NIPBL: variants seen among roughly 807,000 people sequenced by gnomAD.
NIPBL encodes the protein nipped-B-like protein.
A neutral mutation model predicts 321.8 loss-of-function variants in NIPBL; 19 were observed. That is an observed-to-expected ratio of 0.06 (90% CI 0.04 to 0.09). NIPBL has a LOEUF of 0.09. NIPBL is among the 10% of genes least tolerant of loss of function. The pLI is 1.00. For synonymous variants in NIPBL, 1,106 were observed against 1,114.1 expected, an observed-to-expected ratio of 0.99 and a Z score of 0.14; for missense variants, 2,210 against 3,327.0, an observed-to-expected ratio of 0.66 and a Z score of 8.26.
chr5:36,937,978 C>T (rs996650916), intron 1 of NIPBL, among the ~76,000 whole-genome samples: 8 of 152,230 alleles, frequency 5.3e-5, no homozygotes, highest in African/African-American at 1.7e-4. Flanking sequence ...TTGGGTTCAG[C>T]GGGTATAATA....
rs1744564321 is a variant in NIPBL, at chr5:36,984,878, G to A, written c.1698G>A (p.Lys566=). Residue 566 remains lysine, a synonymous_variant, in exon 10 of 47, where the codon AAG becomes AAA. Coordinates refer to ENST00000282516, the MANE Select transcript of NIPBL (RefSeq NM_133433.4). ...SITQDSDSIK[K]PEEIKQCNDA... ...CTCAGGATTCAGACTCCATAAAAAA[G>A]CCTGAAGAAATCAAACAATGTAATG... The A allele has an allele frequency of 6.2e-7, 1 of 1,613,610 alleles. No individual in the cohort carries two copies. Among genetic ancestry groups the A allele is most frequent in the East Asian group, 2.2e-5 (1 of 44,878 alleles).
intron 1 of NIPBL, among the ~76,000 whole-genome samples, chr5:36,937,610 G>A (rs1465369010): frequency 6.6e-6 from 1 of 151,916 alleles, no homozygotes; most frequent in Non-Finnish European, 1.5e-5. Flanking sequence ...AGTTTTTTTA[G>A]GAATGCTATT....
chr5:36,915,122 G>A (rs1044322292), intron 1 of NIPBL, among the ~76,000 whole-genome samples: 2 of 151,720 alleles, frequency 1.3e-5, no homozygotes, highest in African/African-American at 4.8e-5. Context: ...ATTTCTCAAA[G>A]GTATAAATTC....
At chr5:36,958,464 C>T (rs1171588246) in intron 4 of NIPBL, among the ~76,000 whole-genome samples, 1 of 152,124 alleles carries the variant, frequency 6.6e-6, no homozygotes, top group Non-Finnish European at 1.5e-5. Flanking sequence ...TGGAATATAT[C>T]AGTTTACTCA....
intron 1 of NIPBL, among the ~76,000 whole-genome samples, chr5:36,915,402 G>A (rs1162223436): frequency 6.6e-6 from 1 of 151,982 alleles, no homozygotes; most frequent in Non-Finnish European, 1.5e-5. Flanking sequence ...CAATGGACTT[G>A]ATCCCTGTAC....
At chr5:36,960,442 C>T (rs1004387165) in intron 4 of NIPBL, among the ~76,000 whole-genome samples, 1 of 151,294 alleles carries the variant, frequency 6.6e-6, no homozygotes, top group African/African-American at 2.4e-5. Context: ...CAAAACAATT[C>T]TGTGCTGAGT....
At position 37,015,894 on chromosome 5, in the gene NIPBL, A is replaced by G. The variant is rs1036375576; in HGVS notation, c.4644-144A>G. The G allele has an allele frequency of 3.1e-5, 22 of 715,132 alleles. No individual in the cohort carries two copies. The Admixed American group carries it at 3.4e-4, about 11-fold the overall frequency. The allele number at this position is 715,132 out of a possible 1,614,324, so 44.3% of individuals were successfully genotyped here. ...GTGAAATAGACTCATTTTAAACCAT[A>G]TTTTATTTAATGTACATTTATATAT... On this transcript the variant is annotated intron_variant, in intron 22 of 46. Transcript: ENST00000282516.
chr5:37,026,605 A>G (rs1227178334), intron 31 of NIPBL, among the ~76,000 whole-genome samples: 1 of 152,266 alleles, frequency 6.6e-6, no homozygotes, highest in African/African-American at 2.4e-5. Context: ...GAAAGGAGAA[A>G]TGGAAGAACA....
chr5:36,958,107 G>A lies in NIPBL; in HGVS notation c.234G>A (p.Glu78=). 1 of 1,613,846 alleles carries A rather than the reference G, an allele frequency of 6.2e-7. No homozygotes were observed. The highest frequency in any genetic ancestry group is 8.5e-7 in the Non-Finnish European group (1 of 1,179,840). ...SLNQVSTDHI[E]LKDNLGSDDP... ...ATACTTATTTTCTCAATGCCAGAGA[G>A]TTGAAAGATAACCTTGGCAGTGATG... is the stretch of plus-strand genomic sequence containing the variant. The change falls in exon 4 of 47, where the codon GAG becomes GAA. Residue 78 remains glutamate (E), a synonymous_variant. Coordinates refer to ENST00000282516, the MANE Select transcript of NIPBL (RefSeq NM_133433.4).
intron 42 of NIPBL, among the ~76,000 whole-genome samples, chr5:37,054,909 T>C (rs1167188158): frequency 6.6e-6 from 1 of 150,852 alleles, no homozygotes; most frequent in East Asian, 1.9e-4. Context: ...ATCCTGTAGA[T>C]GGCAAAAAAA....
chr5:36,962,251 C>A lies in NIPBL; in HGVS notation c.587C>A (p.Thr196Lys). Residue 196 changes from threonine (T) to lysine (K), a missense_variant, in exon 6 of 47, where the codon ACA (threonine) becomes AAA (lysine). Physicochemically the swap from Thr to Lys is moderately conservative, Grantham distance 78. This residue lies in a region of NIPBL where 464 missense variants were observed against 529.5 expected (regional missense o/e 0.88). Coordinates refer to ENST00000282516, the MANE Select transcript of NIPBL (RefSeq NM_133433.4). ...YMPYSHPSSYTTHPQMQQASV... is the reference protein window; with the variant it reads ...YMPYSHPSSYKTHPQMQQASV... ...CCATATTCCCATCCTTCAAGTTACA[C>A]AACACATCCACAGATGCAACAAGGT... 6.2e-7 allele frequency: 1 copy of A among 1,614,060 alleles called. No homozygotes were observed. The highest frequency in any genetic ancestry group is 8.5e-7 in the Non-Finnish European group (1 of 1,179,940).
chr5:37,042,442 A>AC (rs1433805694), intron 34 of NIPBL, among the ~76,000 whole-genome samples: 1 of 151,938 alleles, frequency 6.6e-6, no homozygotes, highest in East Asian at 1.9e-4. Context: ...GTCAAAAAAA[A>AC]AAGTCCAAAA....
chr5:37,009,056 C>CA lies in NIPBL; in HGVS notation c.4421+335dup, dbSNP rs563346142. 7.9e-5 allele frequency among the ~76,000 whole-genome samples: 12 copies of CA among 152,264 alleles called. No homozygotes were observed. In the East Asian group the frequency reaches 2.3e-3, roughly 29 times the overall value. On this transcript the variant is annotated intron_variant, in intron 20 of 46. Coordinates refer to ENST00000282516, the MANE Select transcript of NIPBL (RefSeq NM_133433.4). ...TCCCTGACCTCTACCCATTAGGTAC[C>CA]AATAGACACCCTTCCTCCTTCCAGT...
At chr5:37,042,884 A>C (rs115792313) in intron 34 of NIPBL, among the ~76,000 whole-genome samples, 1 of 146,928 alleles carries the variant, frequency 6.8e-6, no homozygotes, top group African/African-American at 2.6e-5. Flanking sequence ...TGAAAGCCTT[A>C]CTACACACAC....
chr5:37,002,464 T>A (rs1320840518), intron 14 of NIPBL, among the ~76,000 whole-genome samples, 198 bp from the exon 15 acceptor site: 1 of 152,214 alleles, frequency 6.6e-6, no homozygotes, highest in Non-Finnish European at 1.5e-5. Flanking sequence ...CTATCTCATC[T>A]TCCCATTTCA....
chr5:36,961,348 A>G (rs564563234), intron 4 of NIPBL, 136 bp from the exon 5 acceptor site: 25 of 670,120 alleles, frequency 3.7e-5, no homozygotes, highest in South Asian at 1.0e-4. Context: ...TACAGCGTCT[A>G]TATTTTGCTC....
chr5:36,908,042 T>C (rs1747772454), intron 1 of NIPBL, among the ~76,000 whole-genome samples: 1 of 152,176 alleles, frequency 6.6e-6, no homozygotes, highest in South Asian at 2.1e-4. Flanking sequence ...AAAACCAATA[T>C]ATTTGTTCAT....
chr5:37,052,436 C>T lies in NIPBL; in HGVS notation c.7133C>T (p.Pro2378Leu), dbSNP rs1355833943. ...GCAATCAACACATGCCTAAAAGATC[C>T]TGTAAGGGGTTTCAGACAAGACGAG... ...QQAINTCLKD[P>L]VRGFRQDESS... The change falls in exon 42 of 47, where the codon CCT (proline) becomes CTT (leucine). Residue 2378 changes from proline to leucine, a missense_variant. Around this residue, in one of 14 missense-constraint regions of NIPBL, gnomAD observed 112 missense variants for 288.3 expected, o/e 0.39. Coordinates refer to ENST00000282516, the MANE Select transcript of NIPBL (RefSeq NM_133433.4). 1 of 1,614,104 alleles carries T rather than the reference C, an allele frequency of 6.2e-7. No homozygotes were observed. Among genetic ancestry groups the T allele is most frequent in the South Asian group, 1.1e-5 (1 of 91,084 alleles).
At chr5:36,891,836 G>A (rs757097968) in intron 1 of NIPBL, among the ~76,000 whole-genome samples, 4 of 152,126 alleles carry the variant, frequency 2.6e-5, no homozygotes, top group Admixed American at 6.6e-5. Flanking sequence ...GGATTGTAGC[G>A]AAGGAAACCC....
Sources: allele counts gnomAD v4.1 joint callset (sites outside exome capture counted in the v4.1 genomes callset), GRCh38; gene constraint gnomAD v4.1.1; regional missense constraint gnomAD v4.1.1; transcripts MANE v1.5; gene names NCBI Gene and HGNC (gene_info 2026-07-23, HGNC 2026-07-21).